Variants in ILDR2 observed in about 807,000 individuals in gnomAD.
The protein encoded by ILDR2 is immunoglobulin-like domain-containing receptor 2.
In ILDR2, 25 loss-of-function variants were observed where a neutral mutation model predicts 66.8. The observed-to-expected ratio is 0.37, with a 90% CI of 0.27 to 0.52. The LOEUF is 0.52. Among genes scored for constraint, ILDR2 ranks in the 20% least tolerant of loss-of-function variants. The pLI is 0.88. For synonymous variants in ILDR2, 367 were observed against 357.2 expected, an observed-to-expected ratio of 1.03 and a Z score of -0.31; for missense variants, 827 against 876.8, an observed-to-expected ratio of 0.94 and a Z score of 0.72.
intron 2 of ILDR2, among the ~76,000 whole-genome samples, chr1:166,898,736 C>T (rs910269852): frequency 6.6e-6 from 1 of 151,876 alleles, no homozygotes; most frequent in Non-Finnish European, 1.5e-5. Context: ...TATTTGGGTC[C>T]CTAGTATGTA....
chr1:166,956,711 G>A (rs1662304974), intron 3 of ILDR2, 22 bp downstream of exon 3: 2 of 1,611,930 alleles, frequency 1.2e-6, no homozygotes, highest in East Asian at 2.2e-5. Flanking sequence ...AGATGAAAAT[G>A]TCACCTGTTG....
At chr1:166,960,909 G>A (rs955352718) in intron 1 of ILDR2, among the ~76,000 whole-genome samples, 1 of 152,106 alleles carries the variant, frequency 6.6e-6, no homozygotes, top group Non-Finnish European at 1.5e-5. Flanking sequence ...TCTTCAAATA[G>A]TTACACCTCA....
intron 1 of ILDR2, among the ~76,000 whole-genome samples, chr1:166,961,382 G>C (rs370498214): frequency 1.3e-4 from 20 of 152,270 alleles, no homozygotes; most frequent in East Asian, 7.7e-4. Flanking sequence ...ATTATTAATA[G>C]AGGTTGGTCA....
At position 166,912,466 on chromosome 1, in the gene ILDR2, C is replaced by A. The variant is rs1346174631; in HGVS notation, c.*6889G>T. On this transcript the variant is annotated 3_prime_UTR_variant, in exon 10 of 10. Transcript: ENST00000271417. ...TAAACAAATACTTTATAAATAAAAA[C>A]AAAAATATTTTATAAAGCTGAAAAA... 6 of 152,038 alleles carry A rather than the reference C, an allele frequency of 3.9e-5. No individual in the cohort carries two copies. The highest frequency in any genetic ancestry group is 1.4e-4 in the African/African-American group (6 of 41,478). The allele number at this position is 152,038 out of a possible 1,614,324, so 9.4% of individuals were successfully genotyped here.
intron 1 of ILDR2, 88 bp from the exon 2 acceptor site, chr1:166,958,189 C>T (rs1662396072): frequency 2.7e-6 from 3 of 1,103,110 alleles, no homozygotes; most frequent in African/African-American, 3.1e-5. Flanking sequence ...ATTTCACTTC[C>T]CTAACTTGTG....
At chr1:166,903,687 C>T (rs1659297623), downstream of ILDR2, among the ~76,000 whole-genome samples, 1 of 152,052 alleles carries the variant, frequency 6.6e-6, no homozygotes, top group South Asian at 2.1e-4. Flanking sequence ...ATGTTGGGGG[C>T]CCCTGCAGCC....
chr1:166,922,612 G>T lies in ILDR2; in HGVS notation c.1192C>A (p.Arg398=). 2 of 1,613,896 alleles carry T rather than the reference G, an allele frequency of 1.2e-6. No individual in the cohort carries two copies. The highest frequency in any genetic ancestry group is 1.7e-6 in the Non-Finnish European group (2 of 1,179,992). The stretch of plus-strand genomic sequence containing the variant: ...CATCACCTGTGCCTGAAGCTCTCTC[G>T]ATCCTCTTTGTTATACTCCATGGCT... ...PSAMEYNKED[R]ESFRHSQPRS... is the part of the protein sequence containing the mutation. The change falls in exon 8 of 10, where the codon CGA becomes AGA. Residue 398 remains arginine (R), a synonymous_variant. Coordinates refer to ENST00000271417, the MANE Select transcript of ILDR2 (RefSeq NM_199351.3).
At chr1:166,964,304 A>G (rs2102007485) in intron 1 of ILDR2, among the ~76,000 whole-genome samples, 1 of 152,304 alleles carries the variant, frequency 6.6e-6, no homozygotes, top group Non-Finnish European at 1.5e-5. Context: ...ACCCTTGACT[A>G]TCTAATTTTA....
chr1:166,936,617 G>A lies in ILDR2; in HGVS notation c.677C>T (p.Pro226Leu), dbSNP rs1424129895. The A allele has an allele frequency of 5.0e-6, 8 of 1,613,908 alleles. No homozygotes were observed. Among genetic ancestry groups the A allele is most frequent in the Non-Finnish European group, 5.9e-6 (7 of 1,179,936 alleles). ...GGCTTGAGGGCAGCAGCAGGAATCT[G>A]GGCAGCATGGGCAGCGGACATAGCA... Reference protein sequence around the residue: ...CCCYVRCPCCPDSCCCPQALY... With the variant: ...CCCYVRCPCCLDSCCCPQALY... The change falls in exon 5 of 10, where the codon CCA becomes CTA. Residue 226 changes from proline (P) to leucine (L), a missense_variant. Coordinates refer to ENST00000271417, the MANE Select transcript of ILDR2 (RefSeq NM_199351.3). This position sits in a 1 kb window ranked among gnomAD's most constrained non-coding sequence, Gnocchi z 5.0.
chr1:166,938,609 T>C (rs888868773), intron 4 of ILDR2, among the ~76,000 whole-genome samples: 3 of 152,220 alleles, frequency 2.0e-5, no homozygotes, highest in East Asian at 1.9e-4. Flanking sequence ...CTAGAATTCA[T>C]AGACGAATAA....
chr1:166,938,005 A>G lies in ILDR2; in HGVS notation c.557-1268T>C, dbSNP rs1046298698. On this transcript the variant is annotated intron_variant, in intron 4 of 9. Coordinates refer to ENST00000271417, the MANE Select transcript of ILDR2 (RefSeq NM_199351.3). ...TGTTTAGATCATAATTTCCTCAGAG[A>G]GGAAACAAACAACATGTTTCCTGAA... 2.0e-5 allele frequency among the ~76,000 whole-genome samples: 3 copies of G among 152,212 alleles called. No individual in the cohort carries two copies. The East Asian group carries it at 5.8e-4, about 29-fold the overall frequency.
intron 1 of ILDR2, among the ~76,000 whole-genome samples, chr1:166,964,139 T>A (rs368024181): frequency 8.2e-4 from 117 of 142,028 alleles, no homozygotes; most frequent in East Asian, 3.6e-3. Flanking sequence ...AATCTAAAAA[T>A]AAAAAAAAAA....
At chr1:166,899,905 C>A (rs1659232420) in intron 2 of ILDR2, among the ~76,000 whole-genome samples, 1 of 152,192 alleles carries the variant, frequency 6.6e-6, no homozygotes. Flanking sequence ...AAGGACAATG[C>A]AAGGATTGGC....
intron 3 of ILDR2, among the ~76,000 whole-genome samples, chr1:166,942,383 G>A (rs1661360275): frequency 6.6e-6 from 1 of 152,218 alleles, no homozygotes; most frequent in South Asian, 2.1e-4. Context: ...ATGTCATCAG[G>A]AGGCTGCTAC....
chr1:166,915,367 G>C lies in ILDR2; in HGVS notation c.*3988C>G, dbSNP rs1659600651. On this transcript the variant is annotated 3_prime_UTR_variant, in exon 10 of 10. Transcript: ENST00000271417. Reference sequence around the variant, plus strand: ...CAGGACTAGCTGTTTGGAGTACCCAGAGGTATGACTTAGTGCAATGATTTC... The same window carrying C: ...CAGGACTAGCTGTTTGGAGTACCCACAGGTATGACTTAGTGCAATGATTTC... 1 of 152,196 alleles carries C rather than the reference G, an allele frequency of 6.6e-6. No homozygotes were observed. The highest frequency in any genetic ancestry group is 6.5e-5 in the Admixed American group (1 of 15,284). 9.4% of individuals were successfully genotyped at this position (152,196 alleles called of 1,614,324 possible).
chr1:166,919,423 C>A, intron 9 of ILDR2, 33 bp from the exon 10 acceptor site: 2 of 1,586,712 alleles, frequency 1.3e-6, no homozygotes, highest in Non-Finnish European at 1.7e-6. Flanking sequence ...CAACATTAAG[C>A]CACATGCTAG....
At chr1:166,954,193 T>C (rs1662144252) in intron 3 of ILDR2, among the ~76,000 whole-genome samples, 1 of 152,202 alleles carries the variant, frequency 6.6e-6, no homozygotes, top group Non-Finnish European at 1.5e-5. Context: ...GTCCCAGTTA[T>C]CTTCTCACAG....
At chr1:166,896,482 C>T (rs1659168627) in intron 2 of ILDR2, among the ~76,000 whole-genome samples, 1 of 151,358 alleles carries the variant, frequency 6.6e-6, no homozygotes, top group Admixed American at 6.6e-5. Context: ...GTGGCTTCTA[C>T]AACTAAGCGG....
chr1:166,932,597 G>T (rs150266890), intron 6 of ILDR2, among the ~76,000 whole-genome samples: 1 of 152,320 alleles, frequency 6.6e-6, no homozygotes, highest in African/African-American at 2.4e-5. Context: ...TGGATCCAGA[G>T]CAGCACAGGA....
Sources: gnomAD v4.1 joint callset for allele counts (sites outside exome capture counted in the v4.1 genomes callset) on GRCh38, gnomAD v4.1.1 for gene constraint, Gnocchi (gnomAD v3.1) non-coding constraint, MANE v1.5 for transcripts, NCBI Gene and HGNC (gene_info 2026-07-23, HGNC 2026-07-21) for gene names.